ACSM2A: variants seen among roughly 807,000 people sequenced by gnomAD.
ACSM2A encodes acyl-coenzyme A synthetase ACSM2A, mitochondrial.
In ACSM2A, 72 loss-of-function variants were observed where a neutral mutation model predicts 76.6. The observed-to-expected ratio is 0.94, with a 90% CI of 0.78 to 1.14. ACSM2A has a LOEUF of 1.14. Ranked by LOEUF, ACSM2A falls within the 50% of genes most tolerant of loss-of-function variation. The probability of loss-of-function intolerance (pLI) is 0.00; values close to 1 mark genes in which losing one functional copy is unlikely to be tolerated. For missense variants in ACSM2A, 684 were observed against 708.5 expected (o/e 0.97, Z 0.39); for synonymous variants, 249 against 255.9 (o/e 0.97, Z 0.26).
chr16:20,470,770 G>A, intron 4 of ACSM2A: 1 of 558,026 alleles, frequency 1.8e-6, no homozygotes, highest in Non-Finnish European at 3.4e-6. Flanking sequence ...TCATTTCTTT[G>A]GTGGTAGAGA....
rs1447110535 is a variant in ACSM2A at position 20,481,903 on chromosome 16, G to A, written c.1509+982G>A. On this transcript the variant is annotated intron_variant, in intron 12 of 13. Transcript: ENST00000573854. ...AAGTAAAGTGCTTGGTTGGGAGGCC[G>A]AGGCAGATGGATCACGAGGTCAGGA... 10 of 97,646 alleles carry A rather than the reference G, an allele frequency of 1.0e-4. 1 individual carries two copies. The South Asian group carries it at 3.0e-3, about 30-fold the overall frequency. The allele number at this position is 97,646 out of a possible 1,614,324, so 6.0% of individuals were successfully genotyped here. A position where few individuals can be genotyped will look rare whatever the true frequency, so the allele number is the denominator to read the frequency against.
chr16:20,462,875 T>A (rs2012715937), intron 2 of ACSM2A, among the ~76,000 whole-genome samples: 1 of 152,040 alleles, frequency 6.6e-6, no homozygotes, highest in Non-Finnish European at 1.5e-5. Context: ...TGTACACTCA[T>A]GTTCACAGTA....
chr16:20,468,286 G>T lies in ACSM2A; in HGVS notation c.389-1226G>T, dbSNP rs141313355. Among the ~76,000 whole-genome samples, 111 of 152,276 alleles carry T rather than the reference G, an allele frequency of 7.3e-4. 2 individuals carry two copies. The East Asian group carries it at 0.02, about 28-fold the overall frequency. ...TGAGAGTGGGAAGAAAGTGAGCTAAGGTTAAAAGCTATTTAACAGGACAGG... is the reference window on the plus strand; with the variant it reads ...TGAGAGTGGGAAGAAAGTGAGCTAATGTTAAAAGCTATTTAACAGGACAGG... On this transcript the variant is annotated intron_variant, in intron 3 of 13. Coordinates refer to ENST00000573854, the MANE Select transcript of ACSM2A (RefSeq NM_001308172.2).
chr16:20,455,823 C>T (rs1350992903), intron 1 of ACSM2A, among the ~76,000 whole-genome samples: 35 of 151,248 alleles, frequency 2.3e-4, no homozygotes, highest in African/African-American at 6.6e-4. Context: ...TGAATGTAAA[C>T]GGCCTAAGTA....
intron 2 of ACSM2A, among the ~76,000 whole-genome samples, chr16:20,462,930 T>C (rs1265414016): frequency 1.3e-5 from 2 of 151,564 alleles, no homozygotes; most frequent in East Asian, 3.9e-4. Context: ...CAAATATCTA[T>C]CAACAAATAG....
At chr16:20,476,451 T>C in intron 8 of ACSM2A, 3 of 985,468 alleles carry the variant, frequency 3.0e-6, no homozygotes, top group Non-Finnish European at 3.6e-6. Context: ...ATGAGTACCC[T>C]TGGAAGAACT....
Position 20,477,268 on chromosome 16 carries a change from G to C in ACSM2A, c.1099-101G>C, listed in dbSNP as rs749749043. 3.3e-6 allele frequency: 5 copies of C among 1,497,982 alleles called. No homozygotes were observed. In the Admixed American group the frequency reaches 6.3e-5, roughly 19 times the overall value. 92.8% of individuals were successfully genotyped at this position (1,497,982 alleles called of 1,614,324 possible). On this transcript the variant is annotated intron_variant, in intron 8 of 13. Coordinates refer to ENST00000573854, the MANE Select transcript of ACSM2A (RefSeq NM_001308172.2). ...GGGGGAGCCACCAAGTGCAGGCCAA[G>C]TTCAGGACAGTGTCAGGACCTGCTC...
At chr16:20,478,723 A>T (rs2013911151) in intron 10 of ACSM2A, 46 bp downstream of exon 10, 2 of 1,579,882 alleles carry the variant, frequency 1.3e-6, no homozygotes, top group South Asian at 2.3e-5. Flanking sequence ...TGAGGATGGG[A>T]GCACTAAACG....
chr16:20,483,391 G>A, intron 13 of ACSM2A, among the ~76,000 whole-genome samples: 1 of 150,846 alleles, frequency 6.6e-6, no homozygotes, highest in South Asian at 2.1e-4. Context: ...CCAACATGGT[G>A]AAACCCCATC....
intron 6 of ACSM2A, chr16:20,474,356 T>C (rs2013598461): frequency 5.6e-6 from 1 of 179,542 alleles, no homozygotes; most frequent in South Asian, 1.1e-4. Context: ...AGTGGGTTAG[T>C]TTTGGAGAGT....
At chr16:20,456,919 A>C (rs1306699313) in intron 1 of ACSM2A, among the ~76,000 whole-genome samples, 1 of 151,830 alleles carries the variant, frequency 6.6e-6, no homozygotes, top group Non-Finnish European at 1.5e-5. Flanking sequence ...ACCAAAAAAA[A>C]AAAAAGAACA....
intron 2 of ACSM2A, among the ~76,000 whole-genome samples, chr16:20,465,055 T>C (rs1202613093): frequency 1.3e-5 from 2 of 152,176 alleles, no homozygotes; most frequent in Non-Finnish European, 2.9e-5. Context: ...TACAATAGCA[T>C]TTTCCAGAAG....
chr16:20,485,841 A>C (rs2141772524), intron 13 of ACSM2A, among the ~76,000 whole-genome samples: 1 of 152,358 alleles, frequency 6.6e-6, no homozygotes, highest in Middle Eastern at 3.4e-3. Context: ...CTAACACTTA[A>C]ACCAATGGCA....
chr16:20,476,762 T>A, intron 8 of ACSM2A: 2 of 1,010,408 alleles, frequency 2.0e-6, no homozygotes, highest in Non-Finnish European at 2.4e-6. Flanking sequence ...TGACAATCTA[T>A]GTCTCTGTCA....
chr16:20,458,133 C>T lies in ACSM2A; in HGVS notation c.-8-1974C>T, dbSNP rs542896510. On this transcript the variant is annotated intron_variant, in intron 1 of 13. Coordinates refer to ENST00000573854, the MANE Select transcript of ACSM2A (RefSeq NM_001308172.2). ...GACCTATTCAAGGAAAACTACAAAA[C>T]CCTGCTGAAAGAAATCATAGATGAC... 3.3e-5 allele frequency among the ~76,000 whole-genome samples: 5 copies of T among 151,266 alleles called. No individual in the cohort carries two copies. The South Asian group carries it at 8.3e-4, about 25-fold the overall frequency.
At chr16:20,485,544 G>T (rs529788331) in intron 13 of ACSM2A, among the ~76,000 whole-genome samples, 3 of 152,296 alleles carry the variant, frequency 2.0e-5, no homozygotes, top group African/African-American at 7.2e-5. Flanking sequence ...ACTCAACTTT[G>T]CCCATGCAAT....
intron 13 of ACSM2A, among the ~76,000 whole-genome samples, chr16:20,483,546 G>A (rs1400696442): frequency 9.2e-6 from 1 of 108,770 alleles, no homozygotes; most frequent in African/African-American, 3.5e-5. Context: ...CTGCAGCCCA[G>A]GTGACAGAGT....
intron 8 of ACSM2A, chr16:20,476,264 G>A: frequency 3.0e-6 from 3 of 991,018 alleles, no homozygotes; most frequent in Non-Finnish European, 2.4e-6. Context: ...GAACTCTTGA[G>A]GTCTCATGTG....
chr16:20,484,190 G>A lies in ACSM2A; in HGVS notation c.1629+1013G>A, dbSNP rs1163350844. 9.3e-5 allele frequency among the ~76,000 whole-genome samples: 14 copies of A among 150,478 alleles called. 1 individual carries two copies. The highest frequency in any genetic ancestry group is 3.4e-3 in the Middle Eastern group (1 of 294). ...CCTCAGAGAAAGTGCAGGGGGGATG[G>A]GGGAGAGAGCTGCCCTACCCCATGA... is the stretch of plus-strand genomic sequence containing the variant. On this transcript the variant is annotated intron_variant, in intron 13 of 13. Transcript: ENST00000573854.
Sources: gnomAD v4.1 joint callset for allele counts (sites outside exome capture counted in the v4.1 genomes callset) on GRCh38, gnomAD v4.1.1 for gene constraint, MANE v1.5 for transcripts, NCBI Gene and HGNC (gene_info 2026-07-23, HGNC 2026-07-21) for gene names.